Variants in GRK7 observed in about 807,000 individuals in gnomAD.
GRK7 encodes rhodopsin kinase GRK7.
GRK7 carries 24 observed loss-of-function variants against 34.1 expected under a neutral mutation model. That is an observed-to-expected ratio of 0.70 (90% CI 0.51 to 0.99). The LOEUF is 0.99. Ranked by LOEUF, GRK7 falls within the 50% of genes least tolerant of loss-of-function variation. The pLI, the probability that GRK7 is intolerant of heterozygous loss-of-function variation, is 0.00. For synonymous variants in GRK7, 256 were observed against 279.4 expected, an observed-to-expected ratio of 0.92 and a Z score of 0.84; for missense variants, 644 against 707.3, an observed-to-expected ratio of 0.91 and a Z score of 1.02.
intron 4 of GRK7, among the ~76,000 whole-genome samples, chr3:141,803,747 A>G (rs1231361337): frequency 6.6e-6 from 1 of 152,072 alleles, no homozygotes; most frequent in African/African-American, 2.4e-5. Flanking sequence ...CCCAAGACGG[A>G]GTCTTGCTGT....
chr3:141,780,805 C>A lies in GRK7; in HGVS notation c.1044C>A (p.Thr348=). The change falls in exon 4 of 6, where the codon ACC becomes ACA. Residue 348 remains threonine (T), a synonymous_variant. Coordinates refer to ENST00000682958, the MANE Select transcript of GRK7 (RefSeq NM_139209.3). ...AGATGAAGGGTGGCAAGCCCATCAC[C>A]CAGAGGGTGAGTGACTCTCCACCTG... ...AVEMKGGKPI[T]QRAGTNGYMA... is the part of the protein sequence containing the mutation. The A allele has an allele frequency of 6.2e-7, 1 of 1,611,870 alleles. No homozygotes were observed.
chr3:141,776,571 C>G (rs1312675536), intron 2 of GRK7, among the ~76,000 whole-genome samples: 1 of 152,180 alleles, frequency 6.6e-6, no homozygotes, highest in Non-Finnish European at 1.5e-5. Context: ...TGCAGATCGC[C>G]CATCTCCACG....
rs2084569483 is a variant in GRK7, at chr3:141,764,180, TTCTCATACCCTGGCCTC to T, written c.-1770_-1754del. Among the ~76,000 whole-genome samples, 2 of 152,138 alleles carry T rather than the reference TTCTCATACCCTGGCCTC, an allele frequency of 1.3e-5. No homozygotes were observed. Among genetic ancestry groups the T allele is most frequent in the South Asian group, 4.1e-4 (2 of 4,826 alleles). On this transcript the variant is annotated 5_prime_UTR_variant, in exon 1 of 6. The change creates a premature stop within an existing upstream ORF in the 5' untranslated region. Coordinates refer to ENST00000682958, the MANE Select transcript of GRK7 (RefSeq NM_139209.3). ...ATTTCAATACCCACATGGCTGATGC[TTCTCATACCCTGGCCTC>T]TCCATCCCCTGATCTCATCTCTTCC...
intron 4 of GRK7, among the ~76,000 whole-genome samples, chr3:141,788,161 G>T (rs539149321): frequency 1.3e-5 from 2 of 152,176 alleles, no homozygotes; most frequent in African/African-American, 2.4e-5. Context: ...TGCCTCCCTG[G>T]GGGGGCACAG....
At chr3:141,807,315 T>A (rs4337623) in intron 4 of GRK7, among the ~76,000 whole-genome samples, 70,430 of 152,042 alleles carry the variant, frequency 0.46, 17,760 homozygotes, top group Middle Eastern at 0.63. Context: ...GAACTTTTCA[T>A]CTTAAAGATG....
rs574298704 is a variant in GRK7 at position 141,774,687 on chromosome 3, A to T, written c.-114+7A>T. 3.1e-4 allele frequency among the ~76,000 whole-genome samples: 47 copies of T among 152,242 alleles called. No homozygotes were observed. The highest frequency in any genetic ancestry group is 1.1e-3 in the African/African-American group (45 of 41,574). On this transcript the variant is annotated splice_region_variant and intron_variant, in intron 2 of 5. Coordinates refer to ENST00000682958, the MANE Select transcript of GRK7 (RefSeq NM_139209.3). The stretch of plus-strand genomic sequence containing the variant: ...TTTTTCACTGTATTGTCAGGTGAGC[A>T]AAACTTTAAAAATAATGGTAGGTAC...
In GRK7 at chr3:141,765,220, C is replaced by G. The variant is rs556654655; in HGVS notation, c.-733C>G. On this transcript the variant is annotated 5_prime_UTR_variant, in exon 1 of 6. Coordinates refer to ENST00000682958, the MANE Select transcript of GRK7 (RefSeq NM_139209.3). ...ACTGACTTTCTTGCTGTTTCTCAAG[C>G]TCACCAGGATTTGAGCCAGCTGTTC... is the stretch of plus-strand genomic sequence containing the variant. Among the ~76,000 whole-genome samples the G allele has an allele frequency of 6.6e-6, 1 of 152,354 alleles. No homozygotes were observed. The highest frequency in any genetic ancestry group is 2.4e-5 in the African/African-American group (1 of 41,574).
chr3:141,779,922 A>T (rs2084662868), intron 3 of GRK7, among the ~76,000 whole-genome samples: 1 of 152,180 alleles, frequency 6.6e-6, no homozygotes, highest in African/African-American at 2.4e-5. Flanking sequence ...TCATCTGTTG[A>T]TGGACACTTG....
At chr3:141,790,629 T>A (rs1003817706) in intron 4 of GRK7, among the ~76,000 whole-genome samples, 3 of 151,282 alleles carry the variant, frequency 2.0e-5, no homozygotes, top group African/African-American at 7.3e-5. Flanking sequence ...AATGGCACAA[T>A]CTTGGCTCAC....
At chr3:141,752,772 C>G in the GRK7 span, among the ~76,000 whole-genome samples, 1 of 152,156 alleles carries the variant, frequency 6.6e-6, no homozygotes, top group African/African-American at 2.4e-5. Context: ...CTTCCCAAAA[C>G]TCAGATGTCA....
chr3:141,816,441 A>C (rs1446239769), intron 5 of GRK7, among the ~76,000 whole-genome samples: 1 of 152,200 alleles, frequency 6.6e-6, no homozygotes, highest in Non-Finnish European at 1.5e-5. Context: ...TGAAACACCA[A>C]GAATAAAAGT....
chr3:141,816,537 G>A (rs1452301823), intron 5 of GRK7, among the ~76,000 whole-genome samples, 177 bp from the exon 6 acceptor site: 2 of 152,120 alleles, frequency 1.3e-5, no homozygotes, highest in Non-Finnish European at 1.5e-5. Context: ...CTACTTATAC[G>A]GGAATTTGGG....
chr3:141,807,556 T>C, intron 4 of GRK7, 89 bp from the exon 5 acceptor site: 1 of 1,110,906 alleles, frequency 9.0e-7, no homozygotes. Context: ...AAGGAGAATG[T>C]GTATTAGGTA....
intron 4 of GRK7, among the ~76,000 whole-genome samples, chr3:141,795,995 G>A (rs534635110): frequency 5.9e-5 from 9 of 152,258 alleles, no homozygotes; most frequent in East Asian, 3.9e-4. Flanking sequence ...AATGGTTGCC[G>A]TGTCATCTAA....
chr3:141,775,788 C>T (rs2084636083), intron 2 of GRK7, among the ~76,000 whole-genome samples: 1 of 149,800 alleles, frequency 6.7e-6, no homozygotes, highest in South Asian at 2.1e-4. Flanking sequence ...GTTAATTTCG[C>T]CTGTTTTTTT....
At chr3:141,801,155 C>G (rs1330780059) in intron 4 of GRK7, among the ~76,000 whole-genome samples, 1 of 151,508 alleles carries the variant, frequency 6.6e-6, no homozygotes, top group Admixed American at 6.6e-5. Flanking sequence ...CTAAAAAATA[C>G]AAAAAATTAG....
At chr3:141,782,030 G>A (rs534965976) in intron 4 of GRK7, among the ~76,000 whole-genome samples, 2 of 152,318 alleles carry the variant, frequency 1.3e-5, no homozygotes, top group African/African-American at 4.8e-5. Flanking sequence ...ATTTTATGTG[G>A]CTGTAATGGA....
At chr3:141,756,397 A>AGCAAAAGAATTCAGGC in the GRK7 span, among the ~76,000 whole-genome samples, 1 of 152,024 alleles carries the variant, frequency 6.6e-6, no homozygotes, top group African/African-American at 2.4e-5. Context: ...GATTATGTTG[A>AGCAAAAGAATTCAGGC]GCAAAAGAAT....
chr3:141,818,749 G>T lies in GRK7; in HGVS notation c.*1699G>T, dbSNP rs956596782. On this transcript the variant is annotated 3_prime_UTR_variant, in exon 6 of 6. Coordinates refer to ENST00000682958, the MANE Select transcript of GRK7 (RefSeq NM_139209.3). The stretch of plus-strand genomic sequence containing the variant: ...GGTAAAAAAAACCTGGCTGAAGTCA[G>T]TTTAAAAGTTTTGTCCCTTGAGTTA... Among the ~76,000 whole-genome samples, 6 of 152,174 alleles carry T rather than the reference G, an allele frequency of 3.9e-5. No homozygotes were observed. Among genetic ancestry groups the T allele is most frequent in the Non-Finnish European group, 7.3e-5 (5 of 68,034 alleles).
Sources: gnomAD v4.1 joint callset for allele counts (sites outside exome capture counted in the v4.1 genomes callset) on GRCh38, gnomAD v4.1.1 for gene constraint, MANE v1.5 for transcripts, NCBI Gene and HGNC (gene_info 2026-07-23, HGNC 2026-07-21) for gene names.